The following MAGI3 variants were observed in gnomAD, a reference collection of about 807,000 sequenced individuals.
MAGI3 encodes membrane associated guanylate kinase, WW and PDZ domain containing 3.
Under a neutral mutation model 121.8 loss-of-function variants are expected in MAGI3, and 43 were observed. The ratio of observed to expected loss-of-function variants is 0.35; its 90% CI spans 0.28 to 0.46. The LOEUF (loss-of-function observed/expected upper bound fraction) is 0.46. Ranked by LOEUF, MAGI3 falls within the 20% of genes least tolerant of loss-of-function variation. The pLI is 1.00. For synonymous variants in MAGI3, 553 were observed against 639.3 expected, an observed-to-expected ratio of 0.86 and a Z score of 2.04; for missense variants, 1,547 against 1,797.3, an observed-to-expected ratio of 0.86 and a Z score of 2.52.
In MAGI3 at chr1:113,682,918, C is replaced by T; in HGVS notation, c.3350C>T (p.Pro1117Leu). Reference sequence around the variant, plus strand: ...TTAGGTGATTGGGATATTAATAATCCTTCGTCTTCAAATGTGATTTATGAT... The same window carrying T: ...TTAGGTGATTGGGATATTAATAATCTTTCGTCTTCAAATGTGATTTATGAT... Reference protein sequence around the residue: ...PDHGDWDINNPSSSNVIYDEQ... With the variant: ...PDHGDWDINNLSSSNVIYDEQ... The change falls in exon 21 of 21, where the codon CCT becomes CTT. Residue 1117 changes from proline to leucine, a missense_variant. Pro to Leu is a moderately conservative substitution (Grantham distance 98). Coordinates refer to ENST00000307546, the MANE Select transcript of MAGI3 (RefSeq NM_001142782.2). The T allele has an allele frequency of 1.3e-6, 2 of 1,584,744 alleles. No homozygotes were observed. The highest frequency in any genetic ancestry group is 1.7e-6 in the Non-Finnish European group (2 of 1,169,500).
intron 15 of MAGI3, among the ~76,000 whole-genome samples, chr1:113,655,830 G>A (rs1169608673): frequency 6.6e-6 from 1 of 152,156 alleles, no homozygotes; most frequent in East Asian, 1.9e-4. Context: ...AGGAGACAGG[G>A]TATGTGAAGC....
intron 1 of MAGI3, among the ~76,000 whole-genome samples, chr1:113,487,068 CTA>C (rs1461691942): frequency 6.6e-6 from 1 of 152,096 alleles, no homozygotes; most frequent in African/African-American, 2.4e-5. Flanking sequence ...TCTTTTAACT[CTA>C]AAATTCTATG....
intron 1 of MAGI3, among the ~76,000 whole-genome samples, chr1:113,481,254 G>A (rs1656097946): frequency 6.6e-6 from 1 of 152,124 alleles, no homozygotes; most frequent in Non-Finnish European, 1.5e-5. Context: ...ATACTTTTTA[G>A]CATGACTTCT....
At chr1:113,671,603 G>A in intron 16 of MAGI3, 131 bp from the exon 17 acceptor site, 1 of 726,850 alleles carries the variant, frequency 1.4e-6, no homozygotes, top group Non-Finnish European at 2.3e-6. Flanking sequence ...TGACAATAGT[G>A]CTGTTCATGC....
intron 1 of MAGI3, among the ~76,000 whole-genome samples, chr1:113,436,811 C>CTATTT (rs1653587343): frequency 8.1e-6 from 1 of 124,132 alleles, no homozygotes; most frequent in Non-Finnish European, 1.7e-5. Context: ...TAAAGACAGT[C>CTATTT]TTTTTTTTTT....
chr1:113,653,177 T>C (rs1003769540), intron 14 of MAGI3, among the ~76,000 whole-genome samples: 1 of 152,262 alleles, frequency 6.6e-6, no homozygotes, highest in Admixed American at 6.5e-5. Context: ...GTCACTGAGC[T>C]AAATTATATT....
At chr1:113,539,748 TATC>T (rs1659188423) in intron 1 of MAGI3, among the ~76,000 whole-genome samples, 1 of 152,096 alleles carries the variant, frequency 6.6e-6, no homozygotes, top group South Asian at 2.1e-4. Context: ...ATTTAAAATA[TATC>T]ATGAGCATTG....
chr1:113,474,899 T>C (rs1289791692), intron 1 of MAGI3, among the ~76,000 whole-genome samples: 1 of 152,216 alleles, frequency 6.6e-6, no homozygotes, highest in Non-Finnish European at 1.5e-5. Flanking sequence ...TTTGTTTGTG[T>C]CCTCTTTTAT....
chr1:113,531,595 T>C (rs1658724292), intron 1 of MAGI3, among the ~76,000 whole-genome samples: 1 of 152,146 alleles, frequency 6.6e-6, no homozygotes, highest in African/African-American at 2.4e-5. Flanking sequence ...GTGAAGGCTT[T>C]TATAAGTTTA....
intron 1 of MAGI3, among the ~76,000 whole-genome samples, chr1:113,417,185 TAG>T (rs1570645896): frequency 6.6e-6 from 1 of 152,096 alleles, no homozygotes; most frequent in African/African-American, 2.4e-5. Context: ...GATGAATGTA[TAG>T]AGTCATATAA....
At chr1:113,529,556 A>T (rs1382569342) in intron 1 of MAGI3, among the ~76,000 whole-genome samples, 1 of 152,188 alleles carries the variant, frequency 6.6e-6, no homozygotes. Flanking sequence ...AGGTGTCAGC[A>T]TATGATTTTG....
intron 2 of MAGI3, among the ~76,000 whole-genome samples, chr1:113,563,321 A>T (rs1660314352): frequency 6.6e-6 from 1 of 152,196 alleles, no homozygotes; most frequent in African/African-American, 2.4e-5. Flanking sequence ...TTGGCTATAA[A>T]TCTACTTTTT....
At chr1:113,429,474 T>C (rs1017601044) in intron 1 of MAGI3, among the ~76,000 whole-genome samples, 2 of 152,168 alleles carry the variant, frequency 1.3e-5, no homozygotes, top group African/African-American at 4.8e-5. Flanking sequence ...TTAAATACCC[T>C]CTAGAGGTTT....
chr1:113,512,021 G>A (rs1432675645), intron 1 of MAGI3, among the ~76,000 whole-genome samples: 2 of 152,126 alleles, frequency 1.3e-5, no homozygotes, highest in Non-Finnish European at 2.9e-5. Flanking sequence ...CTCTTTAAAT[G>A]TAGAGGTCAT....
chr1:113,607,603 G>A (rs534900947), intron 6 of MAGI3, among the ~76,000 whole-genome samples: 27 of 152,182 alleles, frequency 1.8e-4, no homozygotes, highest in South Asian at 8.3e-4. Context: ...GTAAAATCAT[G>A]ATAATTGCTT....
At chr1:113,466,286 A>G (rs932820082) in intron 1 of MAGI3, among the ~76,000 whole-genome samples, 10 of 152,104 alleles carry the variant, frequency 6.6e-5, no homozygotes, top group African/African-American at 2.2e-4. Flanking sequence ...TAATTATCGC[A>G]TTTATTGATT....
intron 1 of MAGI3, among the ~76,000 whole-genome samples, chr1:113,476,368 A>C (rs528023787): frequency 6.6e-6 from 1 of 152,234 alleles, no homozygotes; most frequent in Admixed American, 6.5e-5. Context: ...TAGTGCTATA[A>C]ATTTCCCTCT....
chr1:113,517,177 A>G (rs1226253030), intron 1 of MAGI3, among the ~76,000 whole-genome samples: 1 of 152,040 alleles, frequency 6.6e-6, no homozygotes, highest in Non-Finnish European at 1.5e-5. Flanking sequence ...ACTTTAGTCA[A>G]TAATGTATCA....
At chr1:113,470,898 A>G (rs529519958) in intron 1 of MAGI3, among the ~76,000 whole-genome samples, 1 of 152,306 alleles carries the variant, frequency 6.6e-6, no homozygotes, top group South Asian at 2.1e-4. Flanking sequence ...ATAATAATCC[A>G]TAGTATATAG....
Sources: gnomAD v4.1 joint callset for allele counts (sites outside exome capture counted in the v4.1 genomes callset) on GRCh38, gnomAD v4.1.1 for gene constraint, MANE v1.5 for transcripts, NCBI Gene and HGNC (gene_info 2026-07-23, HGNC 2026-07-21) for gene names.